TSPAN5: variants seen among roughly 807,000 people sequenced by gnomAD.
The protein encoded by TSPAN5 is tetraspanin 5, also known as tetraspanin-5.
In TSPAN5, 10 loss-of-function variants were observed where a neutral mutation model predicts 37.1. The ratio of observed to expected loss-of-function variants is 0.27; its 90% confidence interval spans 0.17 to 0.46. TSPAN5 has a LOEUF of 0.46. Ranked by LOEUF, TSPAN5 falls within the 20% of genes least tolerant of loss-of-function variation. The probability of loss-of-function intolerance (pLI) is 1.00; values close to 1 mark genes in which losing one functional copy is unlikely to be tolerated. For synonymous variants in TSPAN5, 110 were observed against 118.9 expected (o/e 0.93, Z 0.48); for missense variants, 195 against 326.6 (o/e 0.60, Z 3.11).
chr4:98,478,245 A>G (rs1752750989), intron 5 of TSPAN5, among the ~76,000 whole-genome samples: 1 of 152,136 alleles, frequency 6.6e-6, no homozygotes, highest in Admixed American at 6.5e-5. Flanking sequence ...CCCCAAACCA[A>G]TGCAGAGAGC....
At chr4:98,646,938 C>A (rs1298345100) in intron 1 of TSPAN5, among the ~76,000 whole-genome samples, 1 of 152,196 alleles carries the variant, frequency 6.6e-6, no homozygotes, top group Non-Finnish European at 1.5e-5. Context: ...CTTAATACTA[C>A]TATTAATAAT....
At chr4:98,583,029 T>G (rs1415945680) in intron 1 of TSPAN5, among the ~76,000 whole-genome samples, 2 of 152,196 alleles carry the variant, frequency 1.3e-5, no homozygotes, top group African/African-American at 2.4e-5. Context: ...AAATAGAACG[T>G]TGTATTTATC....
chr4:98,505,040 A>G (rs914427194), intron 2 of TSPAN5, among the ~76,000 whole-genome samples: 1 of 151,968 alleles, frequency 6.6e-6, no homozygotes, highest in Non-Finnish European at 1.5e-5. Flanking sequence ...GGGCATTAAT[A>G]ACCCTATTCA....
chr4:98,474,949 G>C (rs1752662698), intron 7 of TSPAN5, among the ~76,000 whole-genome samples: 1 of 152,092 alleles, frequency 6.6e-6, no homozygotes, highest in Non-Finnish European at 1.5e-5. Flanking sequence ...CAAAGTGCTG[G>C]GATTACATCC....
intron 3 of TSPAN5, chr4:98,484,820 C>A (rs1269193355): frequency 3.4e-6 from 1 of 297,450 alleles, no homozygotes; most frequent in Admixed American, 4.6e-5. Context: ...AAATACAATT[C>A]AGAGGATCCC....
intron 1 of TSPAN5, among the ~76,000 whole-genome samples, chr4:98,528,082 G>C (rs563871126): frequency 3.3e-5 from 5 of 152,274 alleles, no homozygotes; most frequent in African/African-American, 1.2e-4. Flanking sequence ...GAAGGGTAAA[G>C]TGTTCCTCTG....
At chr4:98,523,476 C>T (rs1388353266) in intron 1 of TSPAN5, among the ~76,000 whole-genome samples, 1 of 152,070 alleles carries the variant, frequency 6.6e-6, no homozygotes, top group Admixed American at 6.5e-5. Context: ...CGTCTGTTGC[C>T]CAGGCTGGAG....
chr4:98,611,665 T>C (rs551201168), intron 1 of TSPAN5, among the ~76,000 whole-genome samples: 2 of 152,324 alleles, frequency 1.3e-5, no homozygotes, highest in East Asian at 1.9e-4. Context: ...GGACCAATCA[T>C]AGTTTCAATT....
intron 1 of TSPAN5, among the ~76,000 whole-genome samples, chr4:98,603,826 C>T (rs1241961687): frequency 2.0e-5 from 3 of 152,186 alleles, no homozygotes; most frequent in African/African-American, 7.2e-5. Flanking sequence ...TACTCTCTGG[C>T]TACTTACTCT....
chr4:98,507,614 T>A (rs375055732), intron 2 of TSPAN5, 64 bp downstream of exon 2: 21 of 1,244,312 alleles, frequency 1.7e-5, no homozygotes, highest in Admixed American at 8.2e-5. Context: ...AGGGGGATAA[T>A]ACATAATATG....
At position 98,622,912 on chromosome 4, in the gene TSPAN5, T is replaced by A. The variant is rs143100574; in HGVS notation, c.81+35234A>T. Among the ~76,000 whole-genome samples, 345 of 152,230 alleles carry A rather than the reference T, an allele frequency of 2.3e-3. 2 individuals are homozygous for A. In the Middle Eastern group the frequency reaches 0.034, roughly 15 times the overall value. The stretch of plus-strand genomic sequence containing the variant: ...TAAGCAGAATTTAACAAAATTATAA[T>A]ATTGGTGGACTAAGAGGAAGGAGAC... On this transcript the variant is annotated intron_variant, in intron 1 of 7. Transcript: ENST00000305798.
chr4:98,524,028 A>G (rs1295899814), intron 1 of TSPAN5, among the ~76,000 whole-genome samples: 2 of 152,240 alleles, frequency 1.3e-5, no homozygotes, highest in Non-Finnish European at 2.9e-5. Context: ...CAATAAACAC[A>G]CTATTATTGC....
intron 1 of TSPAN5, among the ~76,000 whole-genome samples, chr4:98,613,855 C>G (rs1756258630): frequency 6.6e-6 from 1 of 152,038 alleles, no homozygotes; most frequent in Non-Finnish European, 1.5e-5. Context: ...TTTTTCATTT[C>G]AAAGATTCCC....
chr4:98,602,152 A>G (rs1432543937), intron 1 of TSPAN5, among the ~76,000 whole-genome samples: 1 of 152,220 alleles, frequency 6.6e-6, no homozygotes, highest in Non-Finnish European at 1.5e-5. Flanking sequence ...AAAATGTGAC[A>G]CAGAGACATG....
In TSPAN5 at chr4:98,658,277, G is replaced by C; in HGVS notation, c.-51C>G. The C allele has an allele frequency of 6.8e-7, 1 of 1,473,684 alleles. No individual in the cohort carries two copies. The highest frequency in any genetic ancestry group is 9.5e-7 in the Non-Finnish European group (1 of 1,052,210). 91.3% of individuals were successfully genotyped at this position (1,473,684 alleles called of 1,614,324 possible). A position where few individuals can be genotyped will look rare whatever the true frequency, so the allele number is the denominator to read the frequency against. On this transcript the variant is annotated 5_prime_UTR_variant, in exon 1 of 8. Transcript: ENST00000305798. Reference sequence around the variant, plus strand: ...CCCGGCAGCCCGAGTTTGGAGCTCCGAAGCACCGTTGCTCGGAGCAGCCCG... The same window carrying C: ...CCCGGCAGCCCGAGTTTGGAGCTCCCAAGCACCGTTGCTCGGAGCAGCCCG...
intron 1 of TSPAN5, among the ~76,000 whole-genome samples, chr4:98,647,795 T>C (rs2866014): frequency 0.24 from 36,656 of 151,802 alleles, 4,818 homozygotes; most frequent in South Asian, 0.44. Context: ...AATATCACAG[T>C]GCTAACCATT....
chr4:98,556,688 T>C (rs1262627991), intron 1 of TSPAN5, among the ~76,000 whole-genome samples: 7 of 152,196 alleles, frequency 4.6e-5, no homozygotes, highest in African/African-American at 7.2e-5. Context: ...CAAACACTTA[T>C]GAAATGTTGA....
chr4:98,482,234 G>A, intron 3 of TSPAN5, 59 bp from the exon 4 acceptor site: 1 of 1,493,392 alleles, frequency 6.7e-7, no homozygotes, highest in East Asian at 2.3e-5. Context: ...ATCATATATA[G>A]CTAAATGGTT....
chr4:98,550,621 TTTTC>T (rs1560533665), intron 1 of TSPAN5, among the ~76,000 whole-genome samples: 1 of 151,114 alleles, frequency 6.6e-6, no homozygotes, highest in South Asian at 2.1e-4. Flanking sequence ...TTTTTTTTTT[TTTTC>T]TGGTAGCTAT....
Sources: allele counts gnomAD v4.1 joint callset (sites outside exome capture counted in the v4.1 genomes callset), GRCh38; gene constraint gnomAD v4.1.1; transcripts MANE v1.5; gene names NCBI Gene and HGNC (gene_info 2026-07-23, HGNC 2026-07-21).